GRIP1: variants seen among roughly 807,000 people sequenced by gnomAD.
GRIP1 encodes the protein glutamate receptor-interacting protein 1.
Under a neutral mutation model 129.9 loss-of-function variants are expected in GRIP1, and 45 were observed. That is an observed-to-expected ratio of 0.35 (90% CI 0.27 to 0.44). The LOEUF (loss-of-function observed/expected upper bound fraction) is 0.44, where lower values mean the gene tolerates loss of function less well. GRIP1 is among the 20% of genes least tolerant of loss of function. The pLI is 1.00. For synonymous variants in GRIP1, 530 were observed against 520.8 expected (o/e 1.02, Z -0.24); for missense variants, 1,196 against 1,396.8 (o/e 0.86, Z 2.29).
intron 1 of GRIP1, among the ~76,000 whole-genome samples, chr12:66,984,419 CTT>C (rs1208468462): frequency 2.6e-5 from 4 of 152,308 alleles, no homozygotes; most frequent in African/African-American, 9.6e-5. Context: ...CTCAACAAAT[CTT>C]TAGATTGTCT....
intron 1 of GRIP1, among the ~76,000 whole-genome samples, chr12:67,034,812 G>A (rs1291313990): frequency 6.6e-6 from 1 of 152,096 alleles, no homozygotes; most frequent in Admixed American, 6.6e-5. Context: ...TGACCTTGTG[G>A]GACCACCATT....
At chr12:66,942,216 C>T (rs2041597467) in intron 1 of GRIP1, among the ~76,000 whole-genome samples, 4 of 152,150 alleles carry the variant, frequency 2.6e-5, no homozygotes, top group Admixed American at 2.0e-4. Flanking sequence ...CTGCCACTAG[C>T]GGATCAGGGA....
intron 1 of GRIP1, among the ~76,000 whole-genome samples, chr12:66,883,904 A>G (rs1388459541): frequency 6.6e-6 from 1 of 152,232 alleles, no homozygotes; most frequent in African/African-American, 2.4e-5. Context: ...CATTATAAAG[A>G]TCAAATGAGA....
intron 1 of GRIP1, among the ~76,000 whole-genome samples, chr12:66,829,450 T>C (rs904271254): frequency 4.6e-5 from 7 of 152,072 alleles, no homozygotes; most frequent in Admixed American, 2.0e-4. Context: ...AGAGAAACAA[T>C]AAAATTTGTG....
At chr12:66,972,241 C>T (rs2042085724) in intron 1 of GRIP1, among the ~76,000 whole-genome samples, 2 of 152,180 alleles carry the variant, frequency 1.3e-5, no homozygotes, top group South Asian at 4.1e-4. Context: ...TACATCACTC[C>T]AAAAAGTAGG....
chr12:66,944,788 T>C (rs2041640235), intron 1 of GRIP1, among the ~76,000 whole-genome samples: 1 of 148,806 alleles, frequency 6.7e-6, no homozygotes, highest in Non-Finnish European at 1.5e-5. Flanking sequence ...AGGTGTTTTG[T>C]TGTTTGTTTT....
At chr12:66,940,192 G>T (rs1014781396) in intron 1 of GRIP1, among the ~76,000 whole-genome samples, 2 of 151,856 alleles carry the variant, frequency 1.3e-5, no homozygotes, top group Non-Finnish European at 2.9e-5. Context: ...CCGGCAAGAG[G>T]CACTGGTCAT....
At position 66,543,710 on chromosome 12, in the gene GRIP1, T is replaced by A. The variant is rs141330771; in HGVS notation, c.137-1760A>T. Among the ~76,000 whole-genome samples, 38 of 152,320 alleles carry A rather than the reference T, an allele frequency of 2.5e-4. No homozygotes were observed. In the East Asian group the frequency reaches 6.4e-3, roughly 26 times the overall value. ...ATTAAAGTAACCAAAATGACATAGA[T>A]GATGACCGTTCATATTAAAGAGATA... On this transcript the variant is annotated intron_variant, in intron 2 of 24. Coordinates refer to ENST00000359742, the MANE Select transcript of GRIP1 (RefSeq NM_001366722.1).
intron 19 of GRIP1, among the ~76,000 whole-genome samples, chr12:66,384,523 C>T (rs2056268134): frequency 6.6e-6 from 1 of 152,126 alleles, no homozygotes; most frequent in Non-Finnish European, 1.5e-5. Flanking sequence ...TTACAAAGAA[C>T]CCTGTGTTTT....
chr12:66,505,122 C>A (rs972127088), intron 7 of GRIP1, among the ~76,000 whole-genome samples: 1 of 152,062 alleles, frequency 6.6e-6, no homozygotes, highest in African/African-American at 2.4e-5. Context: ...GCATCAGGGA[C>A]CTTAAAAGGG....
chr12:66,568,035 A>C (rs374066711), intron 2 of GRIP1: 26 of 213,090 alleles, frequency 1.2e-4, no homozygotes, highest in African/African-American at 5.6e-4. Context: ...GATATCACCA[A>C]TGAATTGAAT....
chr12:66,884,891 T>A (rs929566289), intron 1 of GRIP1, among the ~76,000 whole-genome samples: 2 of 152,154 alleles, frequency 1.3e-5, no homozygotes, highest in African/African-American at 4.8e-5. Flanking sequence ...ATTTCTTAAA[T>A]GAGAGGACAG....
intron 1 of GRIP1, among the ~76,000 whole-genome samples, chr12:66,759,176 G>A (rs2037393335): frequency 6.6e-6 from 1 of 152,200 alleles, no homozygotes; most frequent in Non-Finnish European, 1.5e-5. Context: ...CTAGGCGGAG[G>A]TTCCCAAAAC....
chr12:66,361,375 T>A (rs2054755112), intron 23 of GRIP1, among the ~76,000 whole-genome samples: 1 of 152,120 alleles, frequency 6.6e-6, no homozygotes, highest in Non-Finnish European at 1.5e-5. Context: ...GCTGTAAGTA[T>A]AAGCAAGCCA....
intron 1 of GRIP1, among the ~76,000 whole-genome samples, chr12:66,826,012 T>C (rs1375736733): frequency 1.3e-5 from 2 of 152,170 alleles, no homozygotes; most frequent in Admixed American, 1.3e-4. Flanking sequence ...GGCACACATA[T>C]GTTTATTGCA....
intron 1 of GRIP1, among the ~76,000 whole-genome samples, chr12:66,673,084 A>G (rs1475173983): frequency 6.6e-6 from 1 of 152,112 alleles, no homozygotes; most frequent in Non-Finnish European, 1.5e-5. Flanking sequence ...AGGCAGGTCT[A>G]TGGTTTCTAT....
chr12:66,918,881 G>A (rs2041169057), intron 1 of GRIP1, among the ~76,000 whole-genome samples: 1 of 151,532 alleles, frequency 6.6e-6, no homozygotes, highest in Non-Finnish European at 1.5e-5. Flanking sequence ...GAAAACTAAG[G>A]GTACATGAAA....
At chr12:66,436,343 C>G (rs1395597774) in intron 13 of GRIP1, among the ~76,000 whole-genome samples, 1 of 152,004 alleles carries the variant, frequency 6.6e-6, no homozygotes, top group Non-Finnish European at 1.5e-5. Context: ...ATAATGATGG[C>G]AAACATTATT....
At chr12:67,056,420 T>C (rs2043436813) in intron 1 of GRIP1, among the ~76,000 whole-genome samples, 1 of 152,192 alleles carries the variant, frequency 6.6e-6, no homozygotes, top group South Asian at 2.1e-4. Flanking sequence ...ACACATGTCC[T>C]CTCCATGTGA....
Sources: gnomAD v4.1 joint callset for allele counts (sites outside exome capture counted in the v4.1 genomes callset) on GRCh38, gnomAD v4.1.1 for gene constraint, MANE v1.5 for transcripts, NCBI Gene and HGNC (gene_info 2026-07-23, HGNC 2026-07-21) for gene names.